DLGAP2: variants seen among roughly 807,000 people sequenced by gnomAD.
DLGAP2 encodes the protein disks large-associated protein 2.
A neutral mutation model predicts 100.3 loss-of-function variants in DLGAP2; 26 were observed. The ratio of observed to expected loss-of-function variants is 0.26; its 90% confidence interval spans 0.19 to 0.36. The LOEUF (loss-of-function observed/expected upper bound fraction) is 0.36. DLGAP2 is among the 10% of genes least tolerant of loss of function. The pLI, the probability that DLGAP2 is intolerant of heterozygous loss-of-function variation, is 1.00. For synonymous variants in DLGAP2, 886 were observed against 630.1 expected, an observed-to-expected ratio of 1.41 and a Z score of -6.08; for missense variants, 1,858 against 1,453.2, an observed-to-expected ratio of 1.28 and a Z score of -4.53.
chr8:1,702,267 TAA>T lies in DLGAP2; in HGVS notation c.*862_*863del, dbSNP rs1445074398. On this transcript the variant is annotated 3_prime_UTR_variant, in exon 15 of 15. Coordinates refer to ENST00000637795, the MANE Select transcript of DLGAP2 (RefSeq NM_001346810.2). ...AAAATACGACACCCAGTATTTTCTT[TAA>T]GTTTCACCATTTACGCTACATGTGA... 6.6e-6 allele frequency: 1 copy of T among 152,284 alleles called. No homozygotes were observed. The highest frequency in any genetic ancestry group is 1.5e-5 in the Non-Finnish European group (1 of 68,044). The allele number at this position is 152,284 out of a possible 1,614,324, so 9.4% of individuals were successfully genotyped here. A position where few individuals can be genotyped will look rare whatever the true frequency, so the allele number is the denominator to read the frequency against.
intron 2 of DLGAP2, among the ~76,000 whole-genome samples, chr8:1,214,484 T>C (rs1328175901): frequency 1.3e-5 from 2 of 152,202 alleles, no homozygotes; most frequent in Non-Finnish European, 2.9e-5. Flanking sequence ...CCACTTTACG[T>C]AGGAGATGCT....
rs71497112 is a variant in DLGAP2 at position 1,350,606 on chromosome 8, C to T, written c.106+91723C>T. Among the ~76,000 whole-genome samples, 57 of 12,936 alleles carry T rather than the reference C, an allele frequency of 4.4e-3. 4 individuals carry two copies. The highest frequency in any genetic ancestry group is 0.04 in the East Asian group (2 of 50). 8.5% of individuals were successfully genotyped at this position (12,936 alleles called of 152,430 possible). Reference sequence around the variant, plus strand: ...GTCCTGACTGTGCGTGGAAAGGCCGCGCGGGTCCTGACTGTGCGTGGAAAG... The same window carrying T: ...GTCCTGACTGTGCGTGGAAAGGCCGTGCGGGTCCTGACTGTGCGTGGAAAG... On this transcript the variant is annotated intron_variant, in intron 3 of 14. Transcript: ENST00000637795.
At chr8:1,378,562 G>A (rs1373649117) in intron 3 of DLGAP2, among the ~76,000 whole-genome samples, 1 of 149,892 alleles carries the variant, frequency 6.7e-6, no homozygotes, top group Non-Finnish European at 1.5e-5. Flanking sequence ...TCGCCTGTCT[G>A]TCCTGCGCAC....
At chr8:1,196,861 G>T (rs901049713) in intron 2 of DLGAP2, among the ~76,000 whole-genome samples, 1 of 152,142 alleles carries the variant, frequency 6.6e-6, no homozygotes, top group African/African-American at 2.4e-5. Flanking sequence ...GAGACTGACA[G>T]GATATATACA....
chr8:962,384 T>C (rs999794191), intron 2 of DLGAP2, among the ~76,000 whole-genome samples: 2 of 152,196 alleles, frequency 1.3e-5, no homozygotes, highest in African/African-American at 2.4e-5. Context: ...TTGTTCTGCC[T>C]GATCTTGGGT....
intron 2 of DLGAP2, among the ~76,000 whole-genome samples, chr8:1,201,200 G>T (rs1232861517): frequency 6.6e-6 from 1 of 152,216 alleles, no homozygotes; most frequent in African/African-American, 2.4e-5. Flanking sequence ...GTCCATCAGG[G>T]TTCTCGAGAG....
intron 3 of DLGAP2, among the ~76,000 whole-genome samples, chr8:1,287,330 T>C (rs1174696583): frequency 3.2e-4 from 43 of 134,584 alleles, no homozygotes; most frequent in Non-Finnish European, 6.0e-4. Context: ...TGTGTGTGTG[T>C]GTGCGTGGTT....
intron 1 of DLGAP2, among the ~76,000 whole-genome samples, chr8:840,459 C>T (rs1335418483): frequency 1.8e-4 from 24 of 132,302 alleles, no homozygotes; most frequent in African/African-American, 6.8e-4. Flanking sequence ...GGGAGCGCGT[C>T]TACACGGTAC....
intron 3 of DLGAP2, among the ~76,000 whole-genome samples, chr8:1,291,997 G>A (rs538362166): frequency 6.6e-6 from 1 of 152,358 alleles, no homozygotes; most frequent in East Asian, 1.9e-4. Flanking sequence ...CAATAAAGAT[G>A]TGGAAAGCAA....
chr8:811,474 C>A, intron 1 of DLGAP2, among the ~76,000 whole-genome samples: 1 of 147,168 alleles, frequency 6.8e-6, no homozygotes, highest in Non-Finnish European at 1.5e-5. Context: ...CAGGAACTAT[C>A]TGGGGGCTCA....
In DLGAP2 at chr8:1,565,867, G is replaced by A. The variant is rs775353108; in HGVS notation, c.1415G>A (p.Gly472Glu). The A allele has an allele frequency of 1.2e-5, 19 of 1,610,362 alleles. No homozygotes were observed. Among genetic ancestry groups the A allele is most frequent in the Non-Finnish European group, 1.5e-5 (18 of 1,178,306 alleles). Residue 472 changes from glycine to glutamate, a missense_variant, in exon 6 of 15, where the codon GGA becomes GAA. Coordinates refer to ENST00000637795, the MANE Select transcript of DLGAP2 (RefSeq NM_001346810.2). The part of the protein sequence containing the change: ...ILPEPLLKSI[G>E]QRPLGEHQTQ... ...CCAGAGCCGCTGCTGAAGTCCATCG[G>A]ACAGAGACCGCTTGGAGAGCACCAG...
intron 4 of DLGAP2, among the ~76,000 whole-genome samples, chr8:1,541,646 G>T (rs1156308578): frequency 6.6e-6 from 1 of 152,214 alleles, no homozygotes; most frequent in Admixed American, 6.5e-5. Flanking sequence ...CTGGGAACCA[G>T]CAGAGCCCAC....
At chr8:870,864 C>T (rs1797583897) in intron 1 of DLGAP2, among the ~76,000 whole-genome samples, 1 of 152,250 alleles carries the variant, frequency 6.6e-6, no homozygotes, top group African/African-American at 2.4e-5. Context: ...CTGATAAGGA[C>T]AGAACTCGGG....
intron 3 of DLGAP2, among the ~76,000 whole-genome samples, chr8:1,417,327 G>T: frequency 6.6e-6 from 1 of 152,302 alleles, no homozygotes; most frequent in East Asian, 1.9e-4. Flanking sequence ...AGGTTCGACA[G>T]CATCTCACCG....
At chr8:975,515 C>G (rs998680639) in intron 2 of DLGAP2, among the ~76,000 whole-genome samples, 8 of 152,086 alleles carry the variant, frequency 5.3e-5, no homozygotes, top group Admixed American at 6.5e-5. Context: ...ATGAGGGAAT[C>G]AAATCTAACA....
intron 3 of DLGAP2, among the ~76,000 whole-genome samples, chr8:1,472,825 G>A (rs1364062126): frequency 6.6e-6 from 1 of 152,136 alleles, no homozygotes; most frequent in East Asian, 1.9e-4. Context: ...TTTAGAAACT[G>A]GTTTAGCAGT....
chr8:1,200,373 CTG>C (rs763321814), intron 2 of DLGAP2, among the ~76,000 whole-genome samples: 6 of 152,214 alleles, frequency 3.9e-5, no homozygotes, highest in Non-Finnish European at 7.3e-5. Context: ...CTTGTTAAAA[CTG>C]TGCTTTCCGA....
At position 801,657 on chromosome 8, in the gene DLGAP2, C is replaced by T. The variant is rs1796154147; in HGVS notation, c.18+63832C>T. 4.6e-5 allele frequency among the ~76,000 whole-genome samples: 7 copies of T among 152,270 alleles called. No homozygotes were observed. In the South Asian group the frequency reaches 1.5e-3, roughly 32 times the overall value. The stretch of plus-strand genomic sequence containing the variant: ...GATGGGCTTTGAAACACCTGCTTCT[C>T]CTGTGCAGCGGGCTTCCTGTGATGA... On this transcript the variant is annotated intron_variant, in intron 1 of 14. Transcript: ENST00000637795.
chr8:1,238,567 C>G (rs1798717053), intron 2 of DLGAP2, among the ~76,000 whole-genome samples: 1 of 90,538 alleles, frequency 1.1e-5, no homozygotes, highest in African/African-American at 4.3e-5. Context: ...CTAGTTCTCT[C>G]CCATGGCGCC....
Sources: gnomAD v4.1 joint callset for allele counts (sites outside exome capture counted in the v4.1 genomes callset) on GRCh38, gnomAD v4.1.1 for gene constraint, MANE v1.5 for transcripts, NCBI Gene and HGNC (gene_info 2026-07-23, HGNC 2026-07-21) for gene names.